Variants in CDK19 observed in about 807,000 individuals in gnomAD.
The protein encoded by CDK19 is cyclin dependent kinase 19.
A neutral mutation model predicts 68.3 loss-of-function variants in CDK19; 20 were observed. The observed-to-expected ratio is 0.29, with a 90% confidence interval of 0.21 to 0.43. The LOEUF (loss-of-function observed/expected upper bound fraction) is 0.43. Among genes scored for constraint, CDK19 ranks in the 20% least tolerant of loss-of-function variants. The probability of loss-of-function intolerance (pLI) is 1.00; values close to 1 mark genes in which losing one functional copy is unlikely to be tolerated. For missense variants in CDK19, 339 were observed against 623.5 expected (o/e 0.54, Z 4.86); for synonymous variants, 221 against 222.8 (o/e 0.99, Z 0.07).
intron 1 of CDK19, among the ~76,000 whole-genome samples, chr6:110,812,512 T>C (rs1403541572): frequency 1.3e-5 from 2 of 152,214 alleles, no homozygotes; most frequent in Non-Finnish European, 2.9e-5. Flanking sequence ...TAATATTGCC[T>C]AAAGTCATAC....
intron 4 of CDK19, among the ~76,000 whole-genome samples, chr6:110,654,613 G>A (rs1781182195): frequency 6.6e-6 from 1 of 152,198 alleles, no homozygotes; most frequent in Non-Finnish European, 1.5e-5. Context: ...ATGGGGTAAG[G>A]TATAAGTGTC....
chr6:110,795,432 T>C (rs1274371824), intron 1 of CDK19, among the ~76,000 whole-genome samples: 2 of 152,204 alleles, frequency 1.3e-5, no homozygotes, highest in Admixed American at 1.3e-4. Context: ...AGCTCAGATG[T>C]AGGAAAATCA....
chr6:110,785,074 C>CAAAAAAAAAA, intron 1 of CDK19, among the ~76,000 whole-genome samples: 1 of 64,940 alleles, frequency 1.5e-5, no homozygotes, highest in Non-Finnish European at 3.6e-5. Context: ...ACTGAATTGT[C>CAAAAAAAAAA]AAAAAAAAAA....
At chr6:110,701,386 C>T (rs1049973784) in intron 2 of CDK19, among the ~76,000 whole-genome samples, 2 of 124,558 alleles carry the variant, frequency 1.6e-5, no homozygotes, top group African/African-American at 6.0e-5. Context: ...ACTAAAAATA[C>T]AAAAAAAAAA....
intron 1 of CDK19, among the ~76,000 whole-genome samples, chr6:110,778,878 C>T (rs955433664): frequency 6.6e-6 from 1 of 152,126 alleles, no homozygotes; most frequent in African/African-American, 2.4e-5. Context: ...GTGGATGGCA[C>T]TCCAGCAGTC....
chr6:110,639,839 C>A (rs1370015625), intron 4 of CDK19, among the ~76,000 whole-genome samples: 1 of 152,036 alleles, frequency 6.6e-6, no homozygotes, highest in Non-Finnish European at 1.5e-5. Context: ...TGAACAGGAA[C>A]CATCATGGCA....
At chr6:110,657,487 G>T (rs538687945) in intron 4 of CDK19, among the ~76,000 whole-genome samples, 1 of 152,198 alleles carries the variant, frequency 6.6e-6, no homozygotes, top group South Asian at 2.1e-4. Flanking sequence ...TCATCAATTT[G>T]TAATTAAAAT....
chr6:110,648,274 T>A (rs771832021), intron 4 of CDK19, among the ~76,000 whole-genome samples: 1 of 152,196 alleles, frequency 6.6e-6, no homozygotes, highest in Non-Finnish European at 1.5e-5. Context: ...TATTTGCAGA[T>A]GCTATAATTA....
At chr6:110,709,697 A>G (rs1562220158) in intron 2 of CDK19, among the ~76,000 whole-genome samples, 2 of 152,198 alleles carry the variant, frequency 1.3e-5, no homozygotes, top group African/African-American at 4.8e-5. Flanking sequence ...AAGATAATAA[A>G]TAACAACCCA....
At chr6:110,753,079 C>T (rs1366890513) in intron 1 of CDK19, among the ~76,000 whole-genome samples, 1 of 151,952 alleles carries the variant, frequency 6.6e-6, no homozygotes. Flanking sequence ...CAGGCATGCT[C>T]CACCACACCA....
At chr6:110,706,797 C>T (rs889991240) in intron 2 of CDK19, 7 of 201,012 alleles carry the variant, frequency 3.5e-5, no homozygotes, top group Non-Finnish European at 6.4e-5. Flanking sequence ...TTGAATAGTA[C>T]CCATACCCTT....
At chr6:110,718,620 G>A (rs1192627259) in intron 2 of CDK19, among the ~76,000 whole-genome samples, 11 of 133,778 alleles carry the variant, frequency 8.2e-5, no homozygotes, top group African/African-American at 2.8e-4. Flanking sequence ...AGAGAACCAC[G>A]GAGAAATCTT....
intron 4 of CDK19, among the ~76,000 whole-genome samples, chr6:110,644,400 C>T (rs1357038921): frequency 6.6e-6 from 1 of 151,590 alleles, no homozygotes; most frequent in African/African-American, 2.4e-5. Context: ...GGAAGTGGGG[C>T]TGTAATGGGC....
intron 1 of CDK19, among the ~76,000 whole-genome samples, chr6:110,799,143 T>TAA (rs1562297662): frequency 6.4e-5 from 2 of 31,346 alleles, no homozygotes; most frequent in Admixed American, 3.4e-4. Flanking sequence ...AACCCTGTAT[T>TAA]TAAAAAAAAA....
At chr6:110,697,351 G>A (rs1011664038) in intron 2 of CDK19, among the ~76,000 whole-genome samples, 5 of 152,032 alleles carry the variant, frequency 3.3e-5, no homozygotes, top group African/African-American at 7.2e-5. Context: ...TGACCAAGCT[G>A]AGAATGAAAG....
At chr6:110,764,156 A>G (rs1779416756) in intron 1 of CDK19, among the ~76,000 whole-genome samples, 1 of 152,242 alleles carries the variant, frequency 6.6e-6, no homozygotes, top group Admixed American at 6.5e-5. Context: ...AGAAGACTCA[A>G]TATTGTCAAG....
intron 3 of CDK19, among the ~76,000 whole-genome samples, chr6:110,669,692 T>G (rs760352006): frequency 3.9e-5 from 6 of 152,028 alleles, no homozygotes; most frequent in Non-Finnish European, 5.9e-5. Context: ...AGTGCCAGAT[T>G]TGAAGTTTGT....
chr6:110,623,753 C>T lies in CDK19; in HGVS notation c.861-391G>A, dbSNP rs563012261. 4.8e-5 allele frequency among the ~76,000 whole-genome samples: 4 copies of T among 83,414 alleles called. No individual in the cohort carries two copies. In the South Asian group the frequency reaches 1.2e-3, roughly 24 times the overall value. 54.7% of individuals were successfully genotyped at this position (83,414 alleles called of 152,430 possible). On this transcript the variant is annotated intron_variant, in intron 8 of 12. Coordinates refer to ENST00000368911, the MANE Select transcript of CDK19 (RefSeq NM_015076.5). ...GTAATGGCCAATATATATATATATA[C>T]ATATATATATACACATATATATACA...
intron 1 of CDK19, among the ~76,000 whole-genome samples, chr6:110,747,602 A>G (rs1262839911): frequency 6.6e-6 from 1 of 152,218 alleles, no homozygotes; most frequent in Non-Finnish European, 1.5e-5. Context: ...GTTAAGATAT[A>G]GGAAGTTATG....
Sources: gnomAD v4.1 joint callset for allele counts (sites outside exome capture counted in the v4.1 genomes callset) on GRCh38, gnomAD v4.1.1 for gene constraint, MANE v1.5 for transcripts, NCBI Gene and HGNC (gene_info 2026-07-23, HGNC 2026-07-21) for gene names.